The following RTCB variants were observed in gnomAD, a reference collection of about 807,000 sequenced individuals.
RTCB encodes RNA-splicing ligase RTCB.
Under a neutral mutation model 58.2 loss-of-function variants are expected in RTCB, and 32 were observed. The observed-to-expected ratio is 0.55, with a 90% CI of 0.41 to 0.74. The LOEUF is 0.74. RTCB is among the 30% of genes least tolerant of loss of function. The pLI is 0.00. For missense variants in RTCB, 523 were observed against 639.0 expected (o/e 0.82, Z 1.96); for synonymous variants, 247 against 218.6 (o/e 1.13, Z -1.15).
intron 8 of RTCB, among the ~76,000 whole-genome samples, chr22:32,395,703 T>C (rs1239437302): frequency 1.3e-5 from 2 of 151,758 alleles, no homozygotes; most frequent in African/African-American, 4.8e-5. Flanking sequence ...ACGATGTTTT[T>C]TTCTTTTGGA....
intron 4 of RTCB, 51 bp from the exon 5 acceptor site, chr22:32,401,954 T>C (rs988063998): frequency 2.2e-5 from 34 of 1,570,432 alleles, no homozygotes; most frequent in Non-Finnish European, 3.0e-5. Flanking sequence ...CACTGTTACC[T>C]GCAGTTTCTC....
At chr22:32,395,627 C>T (rs1456067616) in intron 8 of RTCB, among the ~76,000 whole-genome samples, 3 of 152,256 alleles carry the variant, frequency 2.0e-5, no homozygotes, top group African/African-American at 4.8e-5. Context: ...GGACACTTCT[C>T]TGGTATTTTG....
intron 4 of RTCB, among the ~76,000 whole-genome samples, chr22:32,403,607 T>A (rs1933373648): frequency 6.6e-6 from 1 of 152,178 alleles, no homozygotes; most frequent in Non-Finnish European, 1.5e-5. Flanking sequence ...AGAGACAGGG[T>A]CTTGCTTTGT....
At chr22:32,393,492 T>C (rs73881678) in intron 10 of RTCB, among the ~76,000 whole-genome samples, 5,264 of 151,866 alleles carry the variant, frequency 0.035, 287 homozygotes, top group African/African-American at 0.12. Flanking sequence ...CCTTCCAATC[T>C]TGCGTGGACC....
intron 11 of RTCB, among the ~76,000 whole-genome samples, chr22:32,388,571 C>CA: frequency 1.3e-5 from 2 of 152,208 alleles, no homozygotes; most frequent in South Asian, 4.2e-4. Context: ...ATGTATAAAA[C>CA]AAAGTAAAAC....
chr22:32,398,142 G>GTTT, intron 6 of RTCB, 42 bp from the exon 7 acceptor site: 2 of 1,383,450 alleles, frequency 1.4e-6, no homozygotes, highest in Non-Finnish European at 9.8e-7. Flanking sequence ...TTTTATTCCA[G>GTTT]TTTTTTTTTT....
chr22:32,400,149 A>T (rs1245975997), intron 5 of RTCB, among the ~76,000 whole-genome samples: 3 of 152,208 alleles, frequency 2.0e-5, no homozygotes, highest in Non-Finnish European at 4.4e-5. Context: ...ATCAGCTATC[A>T]CTCTCTAACG....
At chr22:32,410,104 C>A (rs779654087) in intron 1 of RTCB, among the ~76,000 whole-genome samples, 2 of 152,162 alleles carry the variant, frequency 1.3e-5, no homozygotes, top group Non-Finnish European at 2.9e-5. Flanking sequence ...GCGTGAGCCA[C>A]CGCACCCAGC....
At chr22:32,406,245 G>C (rs1457688685) in intron 4 of RTCB, among the ~76,000 whole-genome samples, 1 of 152,146 alleles carries the variant, frequency 6.6e-6, no homozygotes, top group Admixed American at 6.5e-5. Flanking sequence ...AAAGAAAAAT[G>C]ACAGAACATG....
In RTCB at chr22:32,396,155, A is replaced by C; in HGVS notation, c.909T>G (p.Gly303=). 1 of 1,613,934 alleles carries C rather than the reference A, an allele frequency of 6.2e-7. No homozygotes were observed. The highest frequency in any genetic ancestry group is 1.3e-5 in the African/African-American group (1 of 74,932). ...LACARIASPE[G]QDYLKGMAAA... is the part of the protein sequence containing the mutation. The stretch of plus-strand genomic sequence containing the variant: ...CTGCCATTCCCTTCAGATAGTCTTG[A>C]CCCTCTGGGGAAGCGATTCGAGCAC... Residue 303 remains glycine, a synonymous_variant, in exon 8 of 12, where the codon GGT becomes GGG. Coordinates refer to ENST00000216038, the MANE Select transcript of RTCB (RefSeq NM_014306.5).
intron 4 of RTCB, 126 bp downstream of exon 4, chr22:32,406,536 T>C (rs972972538): frequency 5.3e-6 from 3 of 567,644 alleles, no homozygotes; most frequent in African/African-American, 1.9e-5. Flanking sequence ...TTGGCCAAGA[T>C]GGTTTTGATC....
Position 32,388,013 on chromosome 22 carries a change from T to C in RTCB, c.1497A>G (p.Pro499=). 8 of 1,613,306 alleles carry C rather than the reference T, an allele frequency of 5.0e-6. No individual in the cohort carries two copies. The highest frequency in any genetic ancestry group is 1.1e-5 in the South Asian group (1 of 91,062). Residue 499 remains proline, a synonymous_variant, in exon 12 of 12, where the codon CCA becomes CCG. Coordinates refer to ENST00000216038, the MANE Select transcript of RTCB (RefSeq NM_014306.5). ...GGTTCTATCCTTTGATCACAGCAAT[T>C]GGTCTCAGTTTAATGGCTTTCTTGC... ...GISKKAIKLR[P]IAVIKG is the part of the protein sequence containing the mutation.
intron 11 of RTCB, 92 bp downstream of exon 11, chr22:32,392,148 T>TG: frequency 2.2e-6 from 3 of 1,347,612 alleles, no homozygotes; most frequent in Non-Finnish European, 3.0e-6. Context: ...CAATTTCTGT[T>TG]AGTAACACCC....
At chr22:32,392,185 C>G in intron 11 of RTCB, 55 bp downstream of exon 11, 1 of 1,562,532 alleles carries the variant, frequency 6.4e-7, no homozygotes, top group Admixed American at 1.9e-5. Flanking sequence ...TAGACTGGAA[C>G]AAATTACAAA....
intron 6 of RTCB, among the ~76,000 whole-genome samples, chr22:32,398,600 C>T (rs2142721): frequency 0.08 from 12,181 of 152,130 alleles, 563 homozygotes; most frequent in African/African-American, 0.12. Flanking sequence ...TATCCCAGAA[C>T]TTAAAGTAAA....
chr22:32,403,982 T>A (rs1423585995), intron 4 of RTCB, among the ~76,000 whole-genome samples: 1 of 152,226 alleles, frequency 6.6e-6, no homozygotes, highest in Non-Finnish European at 1.5e-5. Context: ...TCTAGTTTCA[T>A]CCATGCTGTA....
At chr22:32,389,477 A>G (rs1024611783) in intron 11 of RTCB, among the ~76,000 whole-genome samples, 1 of 152,038 alleles carries the variant, frequency 6.6e-6, no homozygotes, top group African/African-American at 2.4e-5. Context: ...CACTGTGCCT[A>G]ATTTTTTTTA....
At chr22:32,396,284 C>T (rs1428758603) in intron 7 of RTCB, 35 bp from the exon 8 acceptor site, 2 of 1,605,378 alleles carry the variant, frequency 1.2e-6, no homozygotes, top group Non-Finnish European at 1.7e-6. Context: ...AACCAGTTAG[C>T]TTTCCCTTAA....
At position 32,395,844 on chromosome 22, in the gene RTCB, G is replaced by A. The variant is rs1176220405; in HGVS notation, c.990+230C>T. ...CGAGTAGCTGGGACTACATGCACCC[G>A]CCACGACGACCAGCTAAGCTAATTT... On this transcript the variant is annotated intron_variant, in intron 8 of 11. Coordinates refer to ENST00000216038, the MANE Select transcript of RTCB (RefSeq NM_014306.5). Among the ~76,000 whole-genome samples, 4 of 152,138 alleles carry A rather than the reference G, an allele frequency of 2.6e-5. No individual in the cohort carries two copies. The East Asian group carries it at 5.8e-4, about 22-fold the overall frequency.
Sources: gnomAD v4.1 joint callset for allele counts (sites outside exome capture counted in the v4.1 genomes callset) on GRCh38, gnomAD v4.1.1 for gene constraint, MANE v1.5 for transcripts, NCBI Gene and HGNC (gene_info 2026-07-23, HGNC 2026-07-21) for gene names.